TAF4B: variants seen among roughly 807,000 people sequenced by gnomAD.
The protein encoded by TAF4B is transcription initiation factor TFIID subunit 4B.
Under a neutral mutation model 86.4 loss-of-function variants are expected in TAF4B, and 38 were observed. That is an observed-to-expected ratio of 0.44 (90% confidence interval 0.34 to 0.58). TAF4B has a LOEUF of 0.58. Among genes scored for constraint, TAF4B ranks in the 20% least tolerant of loss-of-function variants. The pLI is 0.02. For missense variants in TAF4B, 988 were observed against 1,027.6 expected (o/e 0.96, Z 0.53); for synonymous variants, 388 against 391.2 (o/e 0.99, Z 0.10).
At chr18:26,350,690 TAAAAAC>T (rs2057237861) in intron 13 of TAF4B, among the ~76,000 whole-genome samples, 1 of 151,732 alleles carries the variant, frequency 6.6e-6, no homozygotes, top group South Asian at 2.1e-4. Flanking sequence ...AAAAGAAAAT[TAAAAAC>T]AAACAAATGG....
chr18:26,288,594 C>CACAGCACT (rs1431351376), intron 7 of TAF4B, among the ~76,000 whole-genome samples: 2 of 152,098 alleles, frequency 1.3e-5, no homozygotes, highest in Admixed American at 1.3e-4. Context: ...AAGATCGCAC[C>CACAGCACT]ACAGCACTAC....
chr18:26,323,297 T>G (rs1340949765), intron 11 of TAF4B, among the ~76,000 whole-genome samples: 1 of 152,208 alleles, frequency 6.6e-6, no homozygotes, highest in East Asian at 1.9e-4. Context: ...GTTCTATTCA[T>G]TATTGAAAGT....
chr18:26,346,847 A>ATATATATATGTGTGTGTG (rs2057195993), intron 13 of TAF4B, among the ~76,000 whole-genome samples: 1 of 16,788 alleles, frequency 6.0e-5, no homozygotes, highest in African/African-American at 2.7e-4. Flanking sequence ...GTGTGTGTGT[A>ATATATATATGTGTGTGTG]TATATATATA....
intron 10 of TAF4B, among the ~76,000 whole-genome samples, chr18:26,319,596 AT>A (rs33983217): frequency 0.92 from 138,535 of 151,142 alleles, 63,943 homozygotes; most frequent in East Asian, 0.99. Context: ...TTTAATTTTT[AT>A]TTTTTTTTTG....
At chr18:26,290,661 A>G (rs1425017598) in intron 7 of TAF4B, among the ~76,000 whole-genome samples, 3 of 152,090 alleles carry the variant, frequency 2.0e-5, no homozygotes, top group Non-Finnish European at 2.9e-5. Flanking sequence ...CCCTAGCTCT[A>G]TTTGTTAGAG....
intron 10 of TAF4B, 67 bp downstream of exon 10, chr18:26,315,465 A>G (rs8084520): frequency 0.11 from 142,424 of 1,321,964 alleles, 8,093 homozygotes; most frequent in African/African-American, 0.14. Flanking sequence ...TTATCAAAAG[A>G]GACAACCTGG....
intron 3 of TAF4B, among the ~76,000 whole-genome samples, chr18:26,268,359 A>G (rs2056269038): frequency 6.6e-6 from 1 of 152,146 alleles, no homozygotes; most frequent in Non-Finnish European, 1.5e-5. Context: ...GGCTAATACG[A>G]TGAACTACAG....
At chr18:26,348,064 C>T (rs564075807) in intron 13 of TAF4B, among the ~76,000 whole-genome samples, 3 of 152,300 alleles carry the variant, frequency 2.0e-5, no homozygotes, top group African/African-American at 7.2e-5. Flanking sequence ...TGTAGACCAA[C>T]TGGACCTAGC....
intron 11 of TAF4B, among the ~76,000 whole-genome samples, chr18:26,322,277 T>A (rs924117459): frequency 6.6e-6 from 1 of 152,146 alleles, no homozygotes; most frequent in Non-Finnish European, 1.5e-5. Context: ...TATTTTATTT[T>A]TTTTTCCTTT....
intron 14 of TAF4B, among the ~76,000 whole-genome samples, chr18:26,382,533 G>A (rs1201409438): frequency 1.3e-5 from 2 of 152,050 alleles, no homozygotes; most frequent in African/African-American, 4.8e-5. Context: ...GAGGTAAGAT[G>A]TTAGAGGGCT....
intron 12 of TAF4B, among the ~76,000 whole-genome samples, chr18:26,331,948 C>G (rs1218401092): frequency 6.6e-6 from 1 of 152,144 alleles, no homozygotes; most frequent in African/African-American, 2.4e-5. Context: ...TTTAAAAGGC[C>G]TTATATTGTT....
chr18:26,330,620 T>C (rs560142102), intron 12 of TAF4B, among the ~76,000 whole-genome samples: 1 of 152,302 alleles, frequency 6.6e-6, no homozygotes, highest in South Asian at 2.1e-4. Context: ...TGTGTATATG[T>C]ACACGTTTAT....
chr18:26,378,461 T>A (rs1229081985), intron 14 of TAF4B, among the ~76,000 whole-genome samples: 1 of 152,206 alleles, frequency 6.6e-6, no homozygotes, highest in African/African-American at 2.4e-5. Flanking sequence ...AAACTTCTCA[T>A]ACTTCTATAC....
intron 1 of TAF4B, among the ~76,000 whole-genome samples, chr18:26,253,258 C>CT (rs1239738373): frequency 6.6e-6 from 1 of 152,030 alleles, no homozygotes; most frequent in Non-Finnish European, 1.5e-5. Flanking sequence ...TTCTGTTTCT[C>CT]TTTTTTTGGG....
chr18:26,239,159 T>C (rs1225886712), intron 1 of TAF4B, among the ~76,000 whole-genome samples: 10 of 152,314 alleles, frequency 6.6e-5, no homozygotes, highest in East Asian at 1.9e-4. Context: ...CTTGAGGAAT[T>C]GCCACACTGT....
intron 13 of TAF4B, among the ~76,000 whole-genome samples, chr18:26,340,790 C>T (rs114575432): frequency 1.5e-3 from 225 of 152,042 alleles, no homozygotes; most frequent in African/African-American, 5.1e-3. Flanking sequence ...TTTTATTTTC[C>T]CACTAACTAA....
chr18:26,286,173 G>A lies in TAF4B; in HGVS notation c.1264G>A (p.Gly422Arg), dbSNP rs780551020. ...TTCTGTGGGCCCAACTGCTGCAACA[G>A]GAGGAACAACAGCTGGAACTGGTTT... ...LHSVGPTAAT[G>R]GTTAGTGLLQ... Residue 422 changes from glycine (G) to arginine (R), a missense_variant, in exon 7 of 15, where the codon GGA (glycine) becomes AGA (arginine). Around this residue, in one of 3 missense-constraint regions of TAF4B, gnomAD observed 747 missense variants for 737.9 expected, o/e 1.01. Coordinates refer to ENST00000269142, the MANE Select transcript of TAF4B (RefSeq NM_005640.3). 1 of 1,614,228 alleles carries A rather than the reference G, an allele frequency of 6.2e-7. No homozygotes were observed. Among genetic ancestry groups the A allele is most frequent in the Admixed American group, 1.7e-5 (1 of 60,024 alleles).
chr18:26,296,862 G>A (rs1054371468), intron 9 of TAF4B, among the ~76,000 whole-genome samples: 5 of 152,102 alleles, frequency 3.3e-5, no homozygotes, highest in East Asian at 1.9e-4. Context: ...GAGGTAGGCC[G>A]GACACAGTGG....
intron 14 of TAF4B, among the ~76,000 whole-genome samples, chr18:26,378,099 G>C (rs2144369133): frequency 6.6e-6 from 1 of 152,256 alleles, no homozygotes; most frequent in African/African-American, 2.4e-5. Context: ...GTTTGGAAAT[G>C]TGTGAAGGGG....
Sources: allele counts gnomAD v4.1 joint callset (sites outside exome capture counted in the v4.1 genomes callset), GRCh38; gene constraint gnomAD v4.1.1; regional missense constraint gnomAD v4.1.1; transcripts MANE v1.5; gene names NCBI Gene and HGNC (gene_info 2026-07-23, HGNC 2026-07-21).